The following RBFOX1 variants were observed in gnomAD, a reference collection of about 807,000 sequenced individuals.
RBFOX1 encodes RNA binding protein fox-1 homolog 1.
In RBFOX1, 8 loss-of-function variants were observed where a neutral mutation model predicts 57.7. The ratio of observed to expected loss-of-function variants is 0.14; its 90% CI spans 0.08 to 0.25. The LOEUF is 0.25. RBFOX1 is among the 10% of genes least tolerant of loss of function. RBFOX1 has a pLI of 1.00. For missense variants in RBFOX1, 611 were observed against 548.5 expected (o/e 1.11, Z -1.14); for synonymous variants, 326 against 222.4 (o/e 1.47, Z -4.15).
chr16:6,473,784 G>T (rs144635987), intron 2 of RBFOX1, among the ~76,000 whole-genome samples: 3 of 152,298 alleles, frequency 2.0e-5, no homozygotes, highest in African/African-American at 7.2e-5. Flanking sequence ...GGCTGTTTGC[G>T]TGGGGAAGCT....
intron 1 of RBFOX1, among the ~76,000 whole-genome samples, chr16:5,258,172 G>T (rs955375383): frequency 6.6e-6 from 1 of 152,152 alleles, no homozygotes; most frequent in Non-Finnish European, 1.5e-5. Context: ...ATGAGCTGCT[G>T]TGCCTGGCCA....
chr16:6,701,974 C>G (rs1477867413), intron 3 of RBFOX1, among the ~76,000 whole-genome samples: 1 of 152,070 alleles, frequency 6.6e-6, no homozygotes, highest in African/African-American at 2.4e-5. Context: ...GGGTGAGGCT[C>G]AAAAACTACC....
intron 3 of RBFOX1, among the ~76,000 whole-genome samples, chr16:6,838,576 T>C (rs73534669): frequency 0.013 from 1,951 of 152,328 alleles, 42 homozygotes; most frequent in African/African-American, 0.045. Context: ...GAGGTAGTCC[T>C]CTTCTGCTGC....
intron 1 of RBFOX1, among the ~76,000 whole-genome samples, chr16:5,388,376 C>G (rs2066311692): frequency 6.6e-6 from 1 of 152,092 alleles, no homozygotes. Flanking sequence ...AGGGCCAGGT[C>G]CTAAATATGT....
intron 2 of RBFOX1, among the ~76,000 whole-genome samples, chr16:6,448,454 A>G (rs2153040238): frequency 6.6e-6 from 1 of 152,028 alleles, no homozygotes; most frequent in South Asian, 2.1e-4. Context: ...ACTGCGCCCA[A>G]CCAGGCATTT....
chr16:7,536,727 A>G (rs2152428663), intron 5 of RBFOX1, among the ~76,000 whole-genome samples: 1 of 152,322 alleles, frequency 6.6e-6, no homozygotes, highest in Admixed American at 6.5e-5. Flanking sequence ...ATGGCCTGTG[A>G]TTGTCGATTG....
chr16:6,431,441 C>T (rs575880034), intron 2 of RBFOX1, among the ~76,000 whole-genome samples: 3 of 152,124 alleles, frequency 2.0e-5, no homozygotes, highest in African/African-American at 7.2e-5. Flanking sequence ...CAGCCCACTA[C>T]CTAAGCCCAG....
At chr16:6,859,124 T>TAC (rs2058452553) in intron 3 of RBFOX1, among the ~76,000 whole-genome samples, 1 of 71,158 alleles carries the variant, frequency 1.4e-5, no homozygotes, top group Non-Finnish European at 2.6e-5. Flanking sequence ...TATATATATA[T>TAC]ATATACATAT....
intron 5 of RBFOX1, among the ~76,000 whole-genome samples, chr16:7,545,126 G>A (rs1272878796): frequency 6.6e-6 from 1 of 152,114 alleles, no homozygotes; most frequent in Non-Finnish European, 1.5e-5. Context: ...TTTTCCTAGG[G>A]TCCCTCTGCC....
intron 5 of RBFOX1, among the ~76,000 whole-genome samples, chr16:7,546,486 A>G (rs1363710033): frequency 1.3e-5 from 2 of 152,228 alleles, no homozygotes; most frequent in African/African-American, 4.8e-5. Context: ...TATAGAAAAT[A>G]TAGTATATCC....
chr16:6,582,373 T>C (rs181629454), intron 2 of RBFOX1, among the ~76,000 whole-genome samples: 40 of 152,184 alleles, frequency 2.6e-4, no homozygotes, highest in Admixed American at 2.1e-3. Context: ...AATTTAACAA[T>C]TAATGATGCT....
chr16:6,879,079 A>C lies in RBFOX1; in HGVS notation c.-15-172978A>C, dbSNP rs183711480. ...CAGCCCACTCTTTTAAGAAGTTTTC[A>C]GAAAGCCAATGAGCTAATAGCTTGA... On this transcript the variant is annotated intron_variant, in intron 3 of 15. Coordinates refer to ENST00000550418, the MANE Select transcript of RBFOX1 (RefSeq NM_018723.4). Among the ~76,000 whole-genome samples the C allele has an allele frequency of 1.7e-3, 252 of 152,358 alleles. 1 individual carries two copies. The highest frequency in any genetic ancestry group is 5.9e-3 in the African/African-American group (244 of 41,602).
chr16:6,504,889 A>C (rs543495352), intron 2 of RBFOX1, among the ~76,000 whole-genome samples: 1 of 140,078 alleles, frequency 7.1e-6, no homozygotes, highest in African/African-American at 2.5e-5. Flanking sequence ...CTCTGTCTCT[A>C]CTAAAATTAC....
At chr16:5,655,192 C>G (rs768798969) in intron 3 of RBFOX1, among the ~76,000 whole-genome samples, 1 of 152,178 alleles carries the variant, frequency 6.6e-6, no homozygotes, top group African/African-American at 2.4e-5. Flanking sequence ...CATTTGCACA[C>G]CATCATATGC....
intron 3 of RBFOX1, among the ~76,000 whole-genome samples, chr16:5,787,272 C>G (rs1443795431): frequency 6.6e-6 from 1 of 152,148 alleles, no homozygotes; most frequent in African/African-American, 2.4e-5. Context: ...GATTGTGCTG[C>G]TTGGGGATCT....
intron 2 of RBFOX1, among the ~76,000 whole-genome samples, chr16:6,586,396 C>T (rs1284691963): frequency 5.3e-5 from 8 of 152,118 alleles, no homozygotes; most frequent in Admixed American, 1.3e-4. Flanking sequence ...ATCTCCAGTG[C>T]GTCTTAATTT....
At chr16:6,533,815 A>G (rs1334811588) in intron 2 of RBFOX1, among the ~76,000 whole-genome samples, 1 of 152,192 alleles carries the variant, frequency 6.6e-6, no homozygotes, top group African/African-American at 2.4e-5. Flanking sequence ...AAAACTGAGC[A>G]TGGTCAACAT....
intron 2 of RBFOX1, among the ~76,000 whole-genome samples, chr16:6,440,167 C>A (rs1184888351): frequency 1.3e-5 from 2 of 151,848 alleles, no homozygotes; most frequent in East Asian, 3.9e-4. Context: ...GAACTCTTGA[C>A]CTCGTGATTC....
At chr16:5,646,882 C>T (rs1596573787) in intron 3 of RBFOX1, among the ~76,000 whole-genome samples, 1 of 152,092 alleles carries the variant, frequency 6.6e-6, no homozygotes, top group Admixed American at 6.5e-5. Context: ...ATCTGCCTGC[C>T]TCAGCCTCCC....
Sources: gnomAD v4.1 joint callset for allele counts (sites outside exome capture counted in the v4.1 genomes callset) on GRCh38, gnomAD v4.1.1 for gene constraint, MANE v1.5 for transcripts, NCBI Gene and HGNC (gene_info 2026-07-23, HGNC 2026-07-21) for gene names.